Variants in RRM2 observed in about 807,000 individuals in gnomAD.
RRM2 encodes the protein ribonucleotide reductase regulatory subunit M2, also known as ribonucleoside-diphosphate reductase subunit M2.
Under a neutral mutation model 45.9 loss-of-function variants are expected in RRM2, and 6 were observed. The ratio of observed to expected loss-of-function variants is 0.13; its 90% confidence interval spans 0.07 to 0.26. The LOEUF (loss-of-function observed/expected upper bound fraction) is 0.26. Among genes scored for constraint, RRM2 ranks in the 10% least tolerant of loss-of-function variants. The pLI, the probability that RRM2 is intolerant of heterozygous loss-of-function variation, is 1.00. For missense variants in RRM2, 343 were observed against 489.5 expected, an observed-to-expected ratio of 0.70 and a Z score of 2.82; for synonymous variants, 177 against 173.0, an observed-to-expected ratio of 1.02 and a Z score of -0.18.
At chr2:10,141,816 C>T in intron 1 of RRM2, 1 of 1,551,034 alleles carries the variant, frequency 6.4e-7, no homozygotes, top group Non-Finnish European at 8.7e-7. Flanking sequence ...GTTGCTCCAG[C>T]ATGCAGTCAC....
intron 3 of RRM2, among the ~76,000 whole-genome samples, chr2:10,189,152 A>T (rs1031337021): frequency 2.0e-5 from 3 of 152,234 alleles, no homozygotes; most frequent in Non-Finnish European, 4.4e-5. Context: ...GTCTGGCCCC[A>T]GAACACACGC....
intron 3 of RRM2, among the ~76,000 whole-genome samples, chr2:10,197,140 A>G (rs1233894729): frequency 6.6e-6 from 1 of 152,160 alleles, no homozygotes; most frequent in East Asian, 1.9e-4. Context: ...CCAGTCCTGC[A>G]TTGTGCTGAC....
At chr2:10,198,466 G>T (rs908600782) in intron 3 of RRM2, 1 of 151,272 alleles carries the variant, frequency 6.6e-6, no homozygotes, top group Non-Finnish European at 1.5e-5. Flanking sequence ...GCAGTGGTGC[G>T]CTCTTGGCTC....
chr2:10,176,756 T>C (rs1461326863), intron 3 of RRM2, among the ~76,000 whole-genome samples: 1 of 152,248 alleles, frequency 6.6e-6, no homozygotes, highest in Non-Finnish European at 1.5e-5. Flanking sequence ...AATTCCCCTA[T>C]TGATGGACAT....
intron 3 of RRM2, among the ~76,000 whole-genome samples, chr2:10,183,321 T>TG (rs1223192745): frequency 6.6e-6 from 1 of 152,236 alleles, no homozygotes; most frequent in African/African-American, 2.4e-5. Context: ...ATGTGCCATC[T>TG]GACCCCTCTG....
chr2:10,200,814 A>T (rs1302519691), intron 3 of RRM2, among the ~76,000 whole-genome samples: 1 of 152,230 alleles, frequency 6.6e-6, no homozygotes, highest in Non-Finnish European at 1.5e-5. Flanking sequence ...AGCCTTGCTA[A>T]AACAACCAGT....
At chr2:10,209,060 T>TCTTTC (rs1553330325) in intron 3 of RRM2, among the ~76,000 whole-genome samples, 4 of 144,366 alleles carry the variant, frequency 2.8e-5, no homozygotes, top group South Asian at 2.2e-4. Context: ...TTTCTTTCTT[T>TCTTTC]TTTTTTTTTT....
chr2:10,176,581 A>T (rs1349858704), intron 3 of RRM2, among the ~76,000 whole-genome samples: 1 of 152,202 alleles, frequency 6.6e-6, no homozygotes, highest in Non-Finnish European at 1.5e-5. Flanking sequence ...TTTTTAAAGG[A>T]ACCACCACAC....
Position 10,123,494 on chromosome 2 carries a change from T to C in RRM2, c.282T>C (p.Tyr94=). The change falls in exon 3 of 10, where the codon TAT becomes TAC. Residue 94 remains tyrosine (Y), a synonymous_variant. Transcript: ENST00000304567. ...PIEYHDIWQM[Y]KKAEASFWTA... ...AGTACCATGATATCTGGCAGATGTA[T>C]AAGAAGGCAGAGGCTTCCTTTTGGA... is the stretch of plus-strand genomic sequence containing the variant. 1 of 1,614,076 alleles carries C rather than the reference T, an allele frequency of 6.2e-7. No homozygotes were observed. Among genetic ancestry groups the C allele is most frequent in the Non-Finnish European group, 8.5e-7 (1 of 1,179,994 alleles).
chr2:10,139,601 T>G (rs914600693), upstream of RRM2, among the ~76,000 whole-genome samples: 4 of 152,282 alleles, frequency 2.6e-5, no homozygotes, highest in African/African-American at 9.6e-5. Context: ...CTGTTCTTTC[T>G]CATCTCTCTT....
intron 3 of RRM2, among the ~76,000 whole-genome samples, chr2:10,178,223 CTTT>C (rs34044826): frequency 0.28 from 34,490 of 125,228 alleles, 5,286 homozygotes; most frequent in Non-Finnish European, 0.37. Context: ...ACCGTGCAGG[CTTT>C]TTTTTTTTTT....
At chr2:10,166,135 TA>T (rs759654460) in intron 3 of RRM2, among the ~76,000 whole-genome samples, 12 of 152,190 alleles carry the variant, frequency 7.9e-5, no homozygotes, top group Non-Finnish European at 1.3e-4. Context: ...CGTTCCATCT[TA>T]ATGCCTTTCC....
downstream of RRM2, among the ~76,000 whole-genome samples, chr2:10,134,937 A>G (rs1292209214): frequency 6.6e-6 from 1 of 152,240 alleles, no homozygotes; most frequent in Admixed American, 6.5e-5. Flanking sequence ...TGAGAAGCAA[A>G]CATTCATTCC....
In RRM2 at chr2:10,148,991, A is replaced by C. The variant is rs772435379; in HGVS notation, n.482+6616A>C. 2.0e-5 allele frequency among the ~76,000 whole-genome samples: 3 copies of C among 151,954 alleles called. No homozygotes were observed. The South Asian group carries it at 6.2e-4, about 32-fold the overall frequency. On this transcript the variant is annotated intron_variant and non_coding_transcript_variant, in intron 3 of 3. Coordinates refer to the RRM2 transcript ENST00000381786. ...AGCAATATTTGATGCTCCTCTGCGC[A>C]CCTTTCCATTTCATCATGACTTTGA... is the stretch of plus-strand genomic sequence containing the variant.
At chr2:10,137,829 G>A (rs1663017668), upstream of RRM2, among the ~76,000 whole-genome samples, 1 of 152,174 alleles carries the variant, frequency 6.6e-6, no homozygotes, top group Non-Finnish European at 1.5e-5. Flanking sequence ...TCCTCCAGAA[G>A]GGGTGCCAGG....
rs1436347773 is a variant in RRM2 at position 10,122,804 on chromosome 2, C to T, written c.6C>T (p.Leu2=). The change falls in exon 1 of 10, where the codon CTC becomes CTT. Residue 2 remains leucine, a synonymous_variant. Coordinates refer to ENST00000304567, the MANE Select transcript of RRM2 (RefSeq NM_001034.4). Reference sequence around the variant, plus strand: ...TGCTTCGCTGCGCCTCCACTATGCTCTCCCTCCGTGTCCCGCTCGCGCCCA... The same window carrying T: ...TGCTTCGCTGCGCCTCCACTATGCTTTCCCTCCGTGTCCCGCTCGCGCCCA... M[L]SLRVPLAPIT... 1 of 1,591,224 alleles carries T rather than the reference C, an allele frequency of 6.3e-7. No homozygotes were observed. Among genetic ancestry groups the T allele is most frequent in the South Asian group, 1.1e-5 (1 of 87,282 alleles).
rs1467069531 is a variant in RRM2 at position 10,130,734 on chromosome 2, A to G, written c.*1348A>G. ...AACCTCCATCTCCTGGGTTCAAGCA[A>G]TTCTCCTGTCTCAGCCTCCCTAGTA... On this transcript the variant is annotated 3_prime_UTR_variant, in exon 10 of 10. Transcript: ENST00000304567. 1 of 151,826 alleles carries G rather than the reference A, an allele frequency of 6.6e-6. No individual in the cohort carries two copies. The highest frequency in any genetic ancestry group is 1.5e-5 in the Non-Finnish European group (1 of 68,010). The allele number at this position is 151,826 out of a possible 1,614,324, so 9.4% of individuals were successfully genotyped here.
intron 3 of RRM2, among the ~76,000 whole-genome samples, chr2:10,170,097 C>T (rs1663767589): frequency 6.6e-6 from 1 of 152,176 alleles, no homozygotes; most frequent in African/African-American, 2.4e-5. Flanking sequence ...AGGTGCCTTT[C>T]CCTGCCAACT....
intron 3 of RRM2, among the ~76,000 whole-genome samples, chr2:10,150,509 G>GT (rs1488110328): frequency 3.3e-5 from 3 of 90,784 alleles, no homozygotes; most frequent in Admixed American, 9.7e-5. Context: ...ACTATGGGAT[G>GT]ATTTTTTTTT....
Sources: gnomAD v4.1 joint callset for allele counts (sites outside exome capture counted in the v4.1 genomes callset) on GRCh38, gnomAD v4.1.1 for gene constraint, MANE v1.5 for transcripts, NCBI Gene and HGNC (gene_info 2026-07-23, HGNC 2026-07-21) for gene names.